PEG3: variants seen among roughly 807,000 people sequenced by gnomAD.
PEG3 encodes the protein paternally expressed 3, also known as paternally-expressed gene 3 protein.
Under a neutral mutation model 35.5 loss-of-function variants are expected in PEG3, and 23 were observed. That is an observed-to-expected ratio of 0.65 (90% confidence interval 0.47 to 0.92). The LOEUF is 0.92. Ranked by LOEUF, PEG3 falls within the 40% of genes least tolerant of loss-of-function variation. The pLI is 0.00. For synonymous variants in PEG3, 707 were observed against 697.0 expected (o/e 1.01, Z -0.23); for missense variants, 1,960 against 1,985.3 (o/e 0.99, Z 0.24).
At position 56,814,471 on chromosome 19, in the gene PEG3, G is replaced by C. The variant is rs761226740; in HGVS notation, c.3971C>G (p.Pro1324Arg). ...ATAGAATGGTATAGCTCCTTTGAGG[G>C]GCTCAGTAAGAAATGAGGTGTGAGT... ...SYTHTSFLTE[P>R]LKGAIPFYEC... Residue 1324 changes from proline to arginine, a missense_variant, in exon 10 of 10, where the codon CCC becomes CGC. Physicochemically the swap from Pro to Arg is moderately radical, Grantham distance 103 (BLOSUM62 -2). Transcript: ENST00000326441. The surrounding 1 kb of genome is among the most constrained non-coding windows in gnomAD (Gnocchi z 5.8). 1 of 1,612,222 alleles carries C rather than the reference G, an allele frequency of 6.2e-7. No homozygotes were observed. Among genetic ancestry groups the C allele is most frequent in the South Asian group, 1.1e-5 (1 of 91,026 alleles).
At position 56,816,638 on chromosome 19, in the gene PEG3, G is replaced by A. The variant is rs199894739; in HGVS notation, c.1804C>T (p.Arg602Cys). 3.9e-4 allele frequency: 621 copies of A among 1,612,842 alleles called. 1 individual carries two copies. Among genetic ancestry groups the A allele is most frequent in the Non-Finnish European group, 4.6e-4 (538 of 1,179,124 alleles). ...GGCCTAAAGGTTTCCCCGCGCTCAC[G>A]TTCACGTTCACGTTCATGTTCACGC... ...NEREHERERE[R>C]ERGETFRPSP... is the part of the protein sequence containing the mutation. Residue 602 changes from arginine to cysteine, a missense_variant, in exon 10 of 10, where the codon CGT (arginine) becomes TGT (cysteine). This residue lies in a region of PEG3 where 798 missense variants were observed against 782.4 expected (regional missense o/e 1.02). Transcript: ENST00000326441.
At position 56,813,012 on chromosome 19, in the gene PEG3, C is replaced by T. The variant is rs999550735; in HGVS notation, c.*663G>A. 15 of 985,628 alleles carry T rather than the reference C, an allele frequency of 1.5e-5. No individual in the cohort carries two copies. The Admixed American group carries it at 7.4e-4, about 48-fold the overall frequency. The allele number at this position is 985,628 out of a possible 1,614,324, so 61.1% of individuals were successfully genotyped here. The stretch of plus-strand genomic sequence containing the variant: ...TGCAGAAAGAAGCTAAAGTACTTAT[C>T]TTTTCAAACAGTAAGGAGTAAAAGC... On this transcript the variant is annotated 3_prime_UTR_variant, in exon 10 of 10. Transcript: ENST00000326441.
At position 56,816,190 on chromosome 19, in the gene PEG3, G is replaced by A. The variant is rs1290581400; in HGVS notation, c.2252C>T (p.Thr751Ile). The A allele has an allele frequency of 1.2e-6, 2 of 1,614,110 alleles. No homozygotes were observed. The highest frequency in any genetic ancestry group is 4.5e-5 in the East Asian group (2 of 44,890). Residue 751 changes from threonine (T) to isoleucine (I), a missense_variant, in exon 10 of 10, where the codon ACC becomes ATC. By Grantham distance (89) the Thr-to-Ile change is moderately conservative. Around this residue, in one of 5 missense-constraint regions of PEG3, gnomAD observed 798 missense variants for 782.4 expected, o/e 1.02. Coordinates refer to ENST00000326441, the MANE Select transcript of PEG3 (RefSeq NM_006210.3). The stretch of plus-strand genomic sequence containing the variant: ...GTTTTCATAGGGGTTAGAGCTAATG[G>A]TGAACGCCTTTTCGTCCTCATCACT... ...LESDEDEKAF[T>I]ISSNPYENQK...
At chr19:56,834,709 A>AG (rs2061910186) in intron 2 of PEG3, among the ~76,000 whole-genome samples, 1 of 152,190 alleles carries the variant, frequency 6.6e-6, no homozygotes, top group African/African-American at 2.4e-5. Context: ...TTGAGCACTG[A>AG]GGCCAGGAAT....
rs1022489144 is a variant in PEG3 at position 56,812,405 on chromosome 19, T to C, written c.*1270A>G. 1 of 984,132 alleles carries C rather than the reference T, an allele frequency of 1.0e-6. No individual in the cohort carries two copies. The highest frequency in any genetic ancestry group is 1.2e-6 in the Non-Finnish European group (1 of 829,570). The allele number at this position is 984,132 out of a possible 1,614,324, so 61.0% of individuals were successfully genotyped here. Reference sequence around the variant, plus strand: ...AACCTGAGTCCATGTTAAGCTTGGGTTGACTGTAAAGAATTTTTTTTTTTT... The same window carrying C: ...AACCTGAGTCCATGTTAAGCTTGGGCTGACTGTAAAGAATTTTTTTTTTTT... On this transcript the variant is annotated 3_prime_UTR_variant, in exon 10 of 10. Transcript: ENST00000326441.
At chr19:56,820,619 G>A (rs909108493) in intron 7 of PEG3, among the ~76,000 whole-genome samples, 1 of 152,076 alleles carries the variant, frequency 6.6e-6, no homozygotes, top group Non-Finnish European at 1.5e-5. Context: ...CGTGCTCCTG[G>A]CTCTAAATGG....
Position 56,814,269 on chromosome 19 carries a change from G to A in PEG3, c.4173C>T (p.Asn1391=), listed in dbSNP as rs768013153. ...PQVVLRIQGL[N]VEAAEPEVEA... ...CCACTTCTGGCTCAGCAGCCTCTAC[G>A]TTTAAGCCCTGAATCCTCAGAACTA... Residue 1391 remains asparagine (N), a synonymous_variant, in exon 10 of 10, where the codon AAC becomes AAT. Coordinates refer to ENST00000326441, the MANE Select transcript of PEG3 (RefSeq NM_006210.3). The surrounding 1 kb of genome is among the most constrained non-coding windows in gnomAD (Gnocchi z 5.8). The A allele has an allele frequency of 1.1e-5, 18 of 1,612,816 alleles. No homozygotes were observed. The highest frequency in any genetic ancestry group is 8.8e-5 in the South Asian group (8 of 90,608).
rs528535038 is a variant in PEG3, at chr19:56,812,680, C to T, written c.*995G>A. ...ATTTACAGCATGAGAGCCTCTCCTA[C>T]GGTTCTCAACCTTCATTAGGCACTA... On this transcript the variant is annotated 3_prime_UTR_variant, in exon 10 of 10. Coordinates refer to ENST00000326441, the MANE Select transcript of PEG3 (RefSeq NM_006210.3). 5.8e-5 allele frequency: 57 copies of T among 985,148 alleles called. No individual in the cohort carries two copies. In the African/African-American group the frequency reaches 6.8e-4, roughly 12 times the overall value. 61.0% of individuals were successfully genotyped at this position (985,148 alleles called of 1,614,324 possible).
rs1193657006 is a variant in PEG3, at chr19:56,816,711, G to A, written c.1731C>T (p.Ala577=). Residue 577 remains alanine, a synonymous_variant, in exon 10 of 10, where the codon GCC becomes GCT. Transcript: ENST00000326441. ...AGTGGATTTTCTGGTGCTCAATCAG[G>A]GCAGAACTATGAAGGAAGGTTTCCT... ...VCKETFLHSS[A]LIEHQKIHFG... 5 of 1,613,978 alleles carry A rather than the reference G, an allele frequency of 3.1e-6. No individual in the cohort carries two copies. Among genetic ancestry groups the A allele is most frequent in the Admixed American group, 1.7e-5 (1 of 60,002 alleles).
chr19:56,837,572 C>T (rs2146683704), intron 1 of PEG3, among the ~76,000 whole-genome samples: 1 of 152,382 alleles, frequency 6.6e-6, no homozygotes, highest in South Asian at 2.1e-4. Context: ...TTTGGCGCCC[C>T]CTGGAGGAAG....
Position 56,811,696 on chromosome 19 carries a change from A to C in PEG3, c.*1979T>G. The C allele has an allele frequency of 1.0e-6, 1 of 985,452 alleles. No individual in the cohort carries two copies. The allele number at this position is 985,452 out of a possible 1,614,324, so 61.0% of individuals were successfully genotyped here. ...TCAAGAGTCCTTTTCCCATGTAGTA[A>C]ACCTCACTGCCCCTCAGCTTTCCCG... On this transcript the variant is annotated 3_prime_UTR_variant, in exon 10 of 10. Transcript: ENST00000326441.
chr19:56,811,860 T>C lies in PEG3; in HGVS notation c.*1815A>G. On this transcript the variant is annotated 3_prime_UTR_variant, in exon 10 of 10. Transcript: ENST00000326441. ...CCTGGCCTTCTACAGTTCTTGCCTC[T>C]GGTGTTTTCTTCTGTCTGTCTCCTC... 1 of 985,526 alleles carries C rather than the reference T, an allele frequency of 1.0e-6. No individual in the cohort carries two copies. The highest frequency in any genetic ancestry group is 1.2e-6 in the Non-Finnish European group (1 of 829,980). 61.0% of individuals were successfully genotyped at this position (985,526 alleles called of 1,614,324 possible). A position where few individuals can be genotyped will look rare whatever the true frequency, so the allele number is the denominator to read the frequency against.
chr19:56,836,085 G>A lies in PEG3; in HGVS notation c.-230C>T, dbSNP rs761412756. ...CTCGCCAGTCGTCTCCAAGAAGGAC[G>A]GAAGATCAAGAAGGCAAAGCTGTAG... On this transcript the variant is annotated 5_prime_UTR_variant, in exon 2 of 10. Coordinates refer to ENST00000326441, the MANE Select transcript of PEG3 (RefSeq NM_006210.3). 1.2e-5 allele frequency: 6 copies of A among 495,208 alleles called. No individual in the cohort carries two copies. Among genetic ancestry groups the A allele is most frequent in the Middle Eastern group, 3.2e-4 (1 of 3,142 alleles). The allele number at this position is 495,208 out of a possible 1,614,324, so 30.7% of individuals were successfully genotyped here. A position where few individuals can be genotyped will look rare whatever the true frequency, so the allele number is the denominator to read the frequency against.
rs775313230 is a variant in PEG3 at position 56,815,866 on chromosome 19, C to T, written c.2576G>A (p.Gly859Glu). The T allele has an allele frequency of 3.1e-6, 5 of 1,613,512 alleles. No individual in the cohort carries two copies. The highest frequency in any genetic ancestry group is 3.4e-6 in the Non-Finnish European group (4 of 1,179,652). Residue 859 changes from glycine to glutamate, a missense_variant, in exon 10 of 10, where the codon GGA becomes GAA. By Grantham distance (98) the Gly-to-Glu change is moderately conservative. This residue lies in a region of PEG3 where 798 missense variants were observed against 782.4 expected (regional missense o/e 1.02). Transcript: ENST00000326441. ...GNELVESNEK[G>E]ESSIYISDLN... ...GTCTGAGATATAAATGGAGGATTCT[C>T]CCTTCTCATTAGATTCCACCAATTC...
In PEG3 at chr19:56,816,169, T is replaced by C. The variant is rs1194702039; in HGVS notation, c.2273A>G (p.Glu758Gly). Reference protein sequence around the residue: ...KAFTISSNPYENQKIPTKENV... With the variant: ...KAFTISSNPYGNQKIPTKENV... The stretch of plus-strand genomic sequence containing the variant: ...TTCCTTAGTGGGAATCTTCTGGTTT[T>C]CATAGGGGTTAGAGCTAATGGTGAA... The change falls in exon 10 of 10, where the codon GAA becomes GGA. Residue 758 changes from glutamate to glycine, a missense_variant. By Grantham distance (98) the Glu-to-Gly change is moderately conservative (BLOSUM62 -2). Around this residue, in one of 5 missense-constraint regions of PEG3, gnomAD observed 798 missense variants for 782.4 expected, o/e 1.02. Coordinates refer to ENST00000326441, the MANE Select transcript of PEG3 (RefSeq NM_006210.3). The C allele has an allele frequency of 6.2e-7, 1 of 1,614,046 alleles. No individual in the cohort carries two copies. Among genetic ancestry groups the C allele is most frequent in the Admixed American group, 1.7e-5 (1 of 60,004 alleles).
intron 3 of PEG3, among the ~76,000 whole-genome samples, chr19:56,825,216 C>G (rs777518900): frequency 1.3e-5 from 2 of 152,196 alleles, no homozygotes; most frequent in Non-Finnish European, 2.9e-5. Flanking sequence ...CAAATCCTCC[C>G]CTAACATTTC....
Position 56,811,492 on chromosome 19 carries a change from G to T in PEG3, c.*2183C>A, listed in dbSNP as rs996467880. The stretch of plus-strand genomic sequence containing the variant: ...AGTTGCATTAAGTGTCCACAGATAG[G>T]TTTAAACAATCATTCTCTTGTTTAC... On this transcript the variant is annotated 3_prime_UTR_variant, in exon 10 of 10. Coordinates refer to ENST00000326441, the MANE Select transcript of PEG3 (RefSeq NM_006210.3). The T allele has an allele frequency of 2.0e-6, 2 of 982,942 alleles. No homozygotes were observed. The highest frequency in any genetic ancestry group is 2.4e-6 in the Non-Finnish European group (2 of 827,916). 60.9% of individuals were successfully genotyped at this position (982,942 alleles called of 1,614,324 possible). A position where few individuals can be genotyped will look rare whatever the true frequency, so the allele number is the denominator to read the frequency against.
At chr19:56,829,880 T>C (rs1183483961) in intron 2 of PEG3, among the ~76,000 whole-genome samples, 2 of 152,190 alleles carry the variant, frequency 1.3e-5, no homozygotes, top group Non-Finnish European at 2.9e-5. Context: ...TGGCCCCCAC[T>C]TCCCCAGGCC....
In PEG3 at chr19:56,816,205, T is replaced by A; in HGVS notation, c.2237A>T (p.Asp746Val). Residue 746 changes from aspartate (D) to valine (V), a missense_variant, in exon 10 of 10, where the codon GAC becomes GTC. By Grantham distance (152) the Asp-to-Val change is radical. Transcript: ENST00000326441. ...AGAGCTAATGGTGAACGCCTTTTCG[T>A]CCTCATCACTTTCAAGAGGTCTTGT... The part of the protein sequence containing the change: ...TITRPLESDE[D>V]EKAFTISSNP... The A allele has an allele frequency of 1.2e-6, 2 of 1,614,232 alleles. No homozygotes were observed.
Sources: gnomAD v4.1 joint callset for allele counts (sites outside exome capture counted in the v4.1 genomes callset) on GRCh38, gnomAD v4.1.1 for gene constraint, gnomAD v4.1.1 regional missense constraint, Gnocchi (gnomAD v3.1) non-coding constraint, MANE v1.5 for transcripts, NCBI Gene and HGNC (gene_info 2026-07-23, HGNC 2026-07-21) for gene names.